The following SFMBT2 variants were observed in gnomAD, a reference collection of about 807,000 sequenced individuals.
SFMBT2 encodes the protein scm-like with four MBT domains protein 2.
SFMBT2 carries 38 observed loss-of-function variants against 110.1 expected under a neutral mutation model. The observed-to-expected ratio is 0.35, with a 90% CI of 0.27 to 0.45. The LOEUF (loss-of-function observed/expected upper bound fraction) is 0.45, where lower values mean the gene tolerates loss of function less well. Among genes scored for constraint, SFMBT2 ranks in the 20% least tolerant of loss-of-function variants. The pLI, the probability that SFMBT2 is intolerant of heterozygous loss-of-function variation, is 1.00. For missense variants in SFMBT2, 1,011 were observed against 1,094.9 expected, an observed-to-expected ratio of 0.92 and a Z score of 1.08; for synonymous variants, 425 against 425.4, an observed-to-expected ratio of 1.00 and a Z score of 0.01.
chr10:7,172,707 C>A lies in SFMBT2; in HGVS notation c.1985-46G>T. 6.5e-7 allele frequency: 1 copy of A among 1,538,082 alleles called. No individual in the cohort carries two copies. Among genetic ancestry groups the A allele is most frequent in the Non-Finnish European group, 8.8e-7 (1 of 1,133,920 alleles). ...AACTTTTGAAGGCTATACACACACA[C>A]AGACATGAACAGAGAGAGGAGAGAG... is the stretch of plus-strand genomic sequence containing the variant. On this transcript the variant is annotated intron_variant, in intron 17 of 20. Transcript: ENST00000397167. The surrounding 1 kb of genome is among the most constrained non-coding windows in gnomAD (Gnocchi z 4.6).
At chr10:7,351,297 C>T (rs1844306962) in intron 4 of SFMBT2, among the ~76,000 whole-genome samples, 1 of 152,144 alleles carries the variant, frequency 6.6e-6, no homozygotes. Context: ...ATGTGCAAGG[C>T]ATTATAAGAA....
At chr10:7,201,963 C>T (rs1299159008) in intron 13 of SFMBT2, among the ~76,000 whole-genome samples, 1 of 152,170 alleles carries the variant, frequency 6.6e-6, no homozygotes, top group African/African-American at 2.4e-5. Flanking sequence ...TTTGTAAGTA[C>T]CCCCAAATTG....
intron 4 of SFMBT2, among the ~76,000 whole-genome samples, chr10:7,340,439 G>A (rs1054579790): frequency 6.6e-6 from 1 of 152,002 alleles, no homozygotes; most frequent in Non-Finnish European, 1.5e-5. Context: ...CTGCTTCTAA[G>A]TCTGCTCCAT....
At chr10:7,375,995 G>T (rs557786688) in intron 2 of SFMBT2, among the ~76,000 whole-genome samples, 1 of 152,072 alleles carries the variant, frequency 6.6e-6, no homozygotes, top group African/African-American at 2.4e-5. Flanking sequence ...CCAAGAAGAA[G>T]AATCAAGCTC....
At position 7,248,719 on chromosome 10, in the gene SFMBT2, G is replaced by T. The variant is rs138902709; in HGVS notation, c.871-70C>A. On this transcript the variant is annotated intron_variant, in intron 7 of 20. Transcript: ENST00000397167. ...ATGACCTCAGCCACTGTCCGGATGCGCTCCTGGAGCATTTTATTGGGCAAC... is the reference window on the plus strand; with the variant it reads ...ATGACCTCAGCCACTGTCCGGATGCTCTCCTGGAGCATTTTATTGGGCAAC... 10 of 1,373,476 alleles carry T rather than the reference G, an allele frequency of 7.3e-6. 2 individuals carry two copies. In the South Asian group the frequency reaches 9.9e-5, roughly 14 times the overall value. 85.1% of individuals were successfully genotyped at this position (1,373,476 alleles called of 1,614,324 possible).
At chr10:7,399,396 C>T (rs1564475871) in intron 1 of SFMBT2, among the ~76,000 whole-genome samples, 2 of 152,156 alleles carry the variant, frequency 1.3e-5, no homozygotes, top group Non-Finnish European at 2.9e-5. Flanking sequence ...CTATGCCCAG[C>T]TAATTTTTTA....
chr10:7,172,447 G>C lies in SFMBT2; in HGVS notation c.2151+48C>G, dbSNP rs1837909842. ...GAAGCAGCCACACTTGCCGGCCAGGGCCAGATGACAGAGCTACAGGCTGGC... is the reference window on the plus strand; with the variant it reads ...GAAGCAGCCACACTTGCCGGCCAGGCCCAGATGACAGAGCTACAGGCTGGC... On this transcript the variant is annotated intron_variant, in intron 18 of 20. Transcript: ENST00000397167. The surrounding 1 kb of genome is among the most constrained non-coding windows in gnomAD (Gnocchi z 4.6). 3.7e-6 allele frequency: 6 copies of C among 1,611,614 alleles called. No individual in the cohort carries two copies. The South Asian group carries it at 6.6e-5, about 18-fold the overall frequency.
chr10:7,308,090 C>T (rs767984407), intron 4 of SFMBT2, among the ~76,000 whole-genome samples: 1 of 152,166 alleles, frequency 6.6e-6, no homozygotes, highest in Non-Finnish European at 1.5e-5. Context: ...TGCAGCAGCT[C>T]GTGCCTATAG....
At chr10:7,220,568 A>G in intron 10 of SFMBT2, 31 bp from the exon 11 acceptor site, 3 of 1,613,472 alleles carry the variant, frequency 1.9e-6, no homozygotes, top group Non-Finnish European at 2.5e-6. Context: ...ACACTGAGCC[A>G]GTGCTGACGC....
intron 7 of SFMBT2, chr10:7,264,310 G>T (rs749574075): frequency 5.2e-6 from 1 of 191,658 alleles, no homozygotes; most frequent in African/African-American, 2.4e-5. Context: ...CTTTATTTAC[G>T]GATTTCCAGG....
Position 7,381,820 on chromosome 10 carries a change from C to T in SFMBT2, c.79G>A (p.Gly27Arg). 1.2e-6 allele frequency: 2 copies of T among 1,613,420 alleles called. No individual in the cohort carries two copies. Among genetic ancestry groups the T allele is most frequent in the Non-Finnish European group, 1.7e-6 (2 of 1,179,684 alleles). Reference sequence around the variant, plus strand: ...CTACCAGAATCAAGGTCTCCATTTCCATTAGCTGAGCCGAGACACTTTTCC... The same window carrying T: ...CTACCAGAATCAAGGTCTCCATTTCTATTAGCTGAGCCGAGACACTTTTCC... ...PLEKCLGSANGNGDLDSEEGS... is the reference protein window; with the variant it reads ...PLEKCLGSANRNGDLDSEEGS... Residue 27 changes from glycine to arginine, a missense_variant, in exon 2 of 21, where the codon GGA becomes AGA. Coordinates refer to ENST00000397167, the MANE Select transcript of SFMBT2 (RefSeq NM_001387889.1).
chr10:7,299,008 C>G (rs772267965), intron 4 of SFMBT2, among the ~76,000 whole-genome samples: 2 of 152,118 alleles, frequency 1.3e-5, no homozygotes, highest in African/African-American at 4.8e-5. Context: ...TTCAAGAATT[C>G]GAAAGCAGCC....
At chr10:7,187,477 T>C (rs2762608) in intron 16 of SFMBT2, among the ~76,000 whole-genome samples, 47,430 of 152,214 alleles carry the variant, frequency 0.31, 9,186 homozygotes, top group Middle Eastern at 0.46. Context: ...CATCGTTAAT[T>C]GGCCTGCCAT....
intron 4 of SFMBT2, among the ~76,000 whole-genome samples, chr10:7,339,749 G>C (rs533451817): frequency 2.1e-4 from 32 of 152,342 alleles, no homozygotes; most frequent in Non-Finnish European, 4.4e-4. Flanking sequence ...AGCAAGCACT[G>C]AATAAATCTC....
At position 7,361,995 on chromosome 10, in the gene SFMBT2, C is replaced by T. The variant is rs140212068; in HGVS notation, c.436+5654G>A. ...CTGGATTAAATGATTTCCATACATT[C>T]TCACCATAAACAATAATTATTTGGC... On this transcript the variant is annotated intron_variant, in intron 4 of 20. Transcript: ENST00000397167. Among the ~76,000 whole-genome samples the T allele has an allele frequency of 5.9e-3, 900 of 152,258 alleles. 13 individuals carry two copies. The highest frequency in any genetic ancestry group is 0.02 in the African/African-American group (837 of 41,550).
intron 2 of SFMBT2, among the ~76,000 whole-genome samples, chr10:7,373,619 T>C (rs1268258155): frequency 6.6e-6 from 1 of 152,138 alleles, no homozygotes; most frequent in Non-Finnish European, 1.5e-5. Context: ...ACCTGTATCA[T>C]GCACCAGAAA....
chr10:7,281,566 G>A (rs573492556), intron 6 of SFMBT2, among the ~76,000 whole-genome samples: 1 of 152,240 alleles, frequency 6.6e-6, no homozygotes, highest in African/African-American at 2.4e-5. Flanking sequence ...AAGTCACCGT[G>A]GGACTTGAAA....
At chr10:7,288,937 G>A (rs1334738091) in intron 4 of SFMBT2, among the ~76,000 whole-genome samples, 1 of 150,982 alleles carries the variant, frequency 6.6e-6, no homozygotes, top group Non-Finnish European at 1.5e-5. Flanking sequence ...TCGGGAGGCT[G>A]AGCCGAAATC....
At position 7,172,555 on chromosome 10, in the gene SFMBT2, G is replaced by C; in HGVS notation, c.2091C>G (p.Ser697=). The stretch of plus-strand genomic sequence containing the variant: ...ACCTCCGTTTCTTCTGCACGAAAAT[G>C]GATTTCCGTCGCTTCCTCCGCCTGG... ...KPARRRKRRK[S]IFVQKKRRSS... The change falls in exon 18 of 21, where the codon TCC becomes TCG. Residue 697 remains serine (S), a synonymous_variant. Coordinates refer to ENST00000397167, the MANE Select transcript of SFMBT2 (RefSeq NM_001387889.1). This position sits in a 1 kb window ranked among gnomAD's most constrained non-coding sequence, Gnocchi z 4.6. 1 of 1,614,250 alleles carries C rather than the reference G, an allele frequency of 6.2e-7. No individual in the cohort carries two copies. The highest frequency in any genetic ancestry group is 8.5e-7 in the Non-Finnish European group (1 of 1,180,054).
Sources: gnomAD v4.1 joint callset for allele counts (sites outside exome capture counted in the v4.1 genomes callset) on GRCh38, gnomAD v4.1.1 for gene constraint, Gnocchi (gnomAD v3.1) non-coding constraint, MANE v1.5 for transcripts, NCBI Gene and HGNC (gene_info 2026-07-23, HGNC 2026-07-21) for gene names.